The following XRCC4 variants were observed in gnomAD, a reference collection of about 807,000 sequenced individuals.
The protein encoded by XRCC4 is DNA repair protein XRCC4.
Under a neutral mutation model 39.1 loss-of-function variants are expected in XRCC4, and 28 were observed. The observed-to-expected ratio is 0.72, with a 90% CI of 0.53 to 0.98. The LOEUF (loss-of-function observed/expected upper bound fraction) is 0.98, where lower values mean the gene tolerates loss of function less well. Among genes scored for constraint, XRCC4 ranks in the 50% least tolerant of loss-of-function variants. The probability of loss-of-function intolerance (pLI) is 0.00; values close to 1 mark genes in which losing one functional copy is unlikely to be tolerated. For missense variants in XRCC4, 350 were observed against 376.4 expected (o/e 0.93, Z 0.58); for synonymous variants, 123 against 126.4 (o/e 0.97, Z 0.18).
At chr5:83,108,896 C>T (rs540957093) in intron 2 of XRCC4, among the ~76,000 whole-genome samples, 25 of 147,852 alleles carry the variant, frequency 1.7e-4, no homozygotes, top group Admixed American at 9.4e-4. Context: ...TTTGAAAGAT[C>T]AATAGGTTTG....
intron 1 of XRCC4, among the ~76,000 whole-genome samples, chr5:83,098,351 TATG>T (rs1208263773): frequency 6.6e-6 from 1 of 152,168 alleles, no homozygotes; most frequent in African/African-American, 2.4e-5. Flanking sequence ...TTTACTACCT[TATG>T]GTGACTAAAC....
At chr5:83,194,715 C>A (rs548424125) in intron 3 of XRCC4, among the ~76,000 whole-genome samples, 22 of 152,248 alleles carry the variant, frequency 1.4e-4, no homozygotes, top group Admixed American at 3.3e-4. Context: ...GTGCTACCAG[C>A]ATCTTTCTTT....
intron 3 of XRCC4, among the ~76,000 whole-genome samples, chr5:83,194,521 C>T (rs1441162590): frequency 6.6e-6 from 1 of 152,032 alleles, no homozygotes; most frequent in African/African-American, 2.4e-5. Context: ...AAATTATCAA[C>T]CATATTAAAT....
chr5:83,286,495 C>T (rs539484542), intron 7 of XRCC4, among the ~76,000 whole-genome samples: 1 of 152,220 alleles, frequency 6.6e-6, no homozygotes, highest in Admixed American at 6.5e-5. Context: ...GTATGGCAAG[C>T]AGGCTGGCTG....
Position 83,091,302 on chromosome 5 carries a change from C to T in XRCC4, c.-10-13608C>T, listed in dbSNP as rs180744153. On this transcript the variant is annotated intron_variant, in intron 1 of 7. Transcript: ENST00000396027. ...AGGAAAAGCAGGCAGGCATATCTTA[C>T]ATGGTGGCAGGTGAGAGAGAAGAGT... is the stretch of plus-strand genomic sequence containing the variant. Among the ~76,000 whole-genome samples, 130 of 152,284 alleles carry T rather than the reference C, an allele frequency of 8.5e-4. No individual in the cohort carries two copies. The Middle Eastern group carries it at 0.01, about 12-fold the overall frequency.
chr5:83,339,326 C>T (rs1187815575), intron 7 of XRCC4, among the ~76,000 whole-genome samples: 1 of 152,062 alleles, frequency 6.6e-6, no homozygotes, highest in Non-Finnish European at 1.5e-5. Flanking sequence ...ACTTTTCATT[C>T]ACACATGAGT....
chr5:83,235,199 G>T (rs981557090), intron 6 of XRCC4, among the ~76,000 whole-genome samples: 24 of 151,570 alleles, frequency 1.6e-4, no homozygotes, highest in African/African-American at 5.8e-4. Context: ...GCTGGGCATG[G>T]TGGCATATAC....
intron 1 of XRCC4, among the ~76,000 whole-genome samples, chr5:83,094,996 C>A (rs1272326700): frequency 6.7e-6 from 1 of 149,818 alleles, no homozygotes; most frequent in African/African-American, 2.5e-5. Flanking sequence ...TCTTTGTAAT[C>A]CTGTGTCCTT....
At chr5:83,097,803 G>A (rs1374664595) in intron 1 of XRCC4, among the ~76,000 whole-genome samples, 1 of 152,110 alleles carries the variant, frequency 6.6e-6, no homozygotes, top group Non-Finnish European at 1.5e-5. Flanking sequence ...AAGTGTTCTT[G>A]TGACAGTCTA....
chr5:83,121,364 C>G (rs1747001713), intron 3 of XRCC4, among the ~76,000 whole-genome samples: 1 of 152,144 alleles, frequency 6.6e-6, no homozygotes, highest in Non-Finnish European at 1.5e-5. Context: ...CAACAGTGTT[C>G]CATAGAGTTC....
At chr5:83,325,759 G>A (rs187652990) in intron 7 of XRCC4, among the ~76,000 whole-genome samples, 1 of 152,006 alleles carries the variant, frequency 6.6e-6, no homozygotes, top group East Asian at 1.9e-4. Flanking sequence ...GAATAGTGCT[G>A]CAATGAACAT....
chr5:83,372,512 G>A, the XRCC4 span, among the ~76,000 whole-genome samples: 2 of 152,078 alleles, frequency 1.3e-5, no homozygotes, highest in Non-Finnish European at 2.9e-5. Context: ...GGACCCCTGG[G>A]GGTAGCAGAA....
At chr5:83,156,097 G>T (rs1748946519) in intron 3 of XRCC4, among the ~76,000 whole-genome samples, 1 of 151,780 alleles carries the variant, frequency 6.6e-6, no homozygotes. Context: ...CCTGTGCTTT[G>T]GCTACCACCC....
intron 3 of XRCC4, among the ~76,000 whole-genome samples, chr5:83,154,303 T>A (rs1748853773): frequency 6.6e-6 from 1 of 152,196 alleles, no homozygotes; most frequent in Non-Finnish European, 1.5e-5. Flanking sequence ...GTATTGCCAG[T>A]TGAGCATTTC....
chr5:83,286,763 T>C (rs1235898818), intron 7 of XRCC4, among the ~76,000 whole-genome samples: 1 of 151,976 alleles, frequency 6.6e-6, no homozygotes, highest in Admixed American at 6.6e-5. Flanking sequence ...AAACTAACCA[T>C]CACAAGCTAG....
chr5:83,338,041 T>C (rs567995741), intron 7 of XRCC4, among the ~76,000 whole-genome samples: 3 of 152,318 alleles, frequency 2.0e-5, no homozygotes, highest in African/African-American at 7.2e-5. Flanking sequence ...CTGTGTGGAA[T>C]AGCCTGGAGG....
At chr5:83,304,763 C>T (rs546287373) in intron 7 of XRCC4, among the ~76,000 whole-genome samples, 195 of 152,146 alleles carry the variant, frequency 1.3e-3, no homozygotes, top group Non-Finnish European at 2.1e-3. Flanking sequence ...AGACTGCAAT[C>T]TAATTCTGTA....
chr5:83,373,204 C>T, the XRCC4 span, among the ~76,000 whole-genome samples: 2 of 151,980 alleles, frequency 1.3e-5, no homozygotes, highest in African/African-American at 2.4e-5. Flanking sequence ...AATCCGTCTG[C>T]CCTTCTTTGC....
rs1482498815 is a variant in XRCC4, at chr5:83,123,016, T to TA, written c.315+11814dup. Among the ~76,000 whole-genome samples, 4 of 129,642 alleles carry TA rather than the reference T, an allele frequency of 3.1e-5. No individual in the cohort carries two copies. The East Asian group carries it at 7.9e-4, about 26-fold the overall frequency. The allele number at this position is 129,642 out of a possible 152,430, so 85.1% of individuals were successfully genotyped here. On this transcript the variant is annotated intron_variant, in intron 3 of 7. Coordinates refer to ENST00000396027, the MANE Select transcript of XRCC4 (RefSeq NM_003401.5). Reference sequence around the variant, plus strand: ...TTATTCATTTGCTATTTTTGGGTGTTATTAGATGTTTGGGTATTTTTAGGA... The same window carrying TA: ...TTATTCATTTGCTATTTTTGGGTGTTAATTAGATGTTTGGGTATTTTTAGGA...
Sources: gnomAD v4.1 joint callset for allele counts (sites outside exome capture counted in the v4.1 genomes callset) on GRCh38, gnomAD v4.1.1 for gene constraint, MANE v1.5 for transcripts, NCBI Gene and HGNC (gene_info 2026-07-23, HGNC 2026-07-21) for gene names.